BARD1: variants seen among roughly 807,000 people sequenced by gnomAD.
BARD1 encodes BRCA1 associated RING domain 1.
In BARD1, 73 loss-of-function variants were observed where a neutral mutation model predicts 77.0. That is an observed-to-expected ratio of 0.95 (90% confidence interval 0.79 to 1.15). The LOEUF (loss-of-function observed/expected upper bound fraction) is 1.15, where lower values mean the gene tolerates loss of function less well. Among genes scored for constraint, BARD1 ranks in the 50% most tolerant of loss-of-function variants. The pLI, the probability that BARD1 is intolerant of heterozygous loss-of-function variation, is 0.00. For synonymous variants in BARD1, 384 were observed against 338.0 expected (o/e 1.14, Z -1.49); for missense variants, 993 against 938.8 (o/e 1.06, Z -0.75).
chr2:214,742,319 C>T (rs951017494), intron 9 of BARD1, among the ~76,000 whole-genome samples: 14 of 152,098 alleles, frequency 9.2e-5, no homozygotes, highest in South Asian at 2.1e-4. Flanking sequence ...TTGAGTGACA[C>T]CTCATCTCTT....
At chr2:214,782,749 C>T (rs2106115259) in intron 3 of BARD1, among the ~76,000 whole-genome samples, 1 of 152,238 alleles carries the variant, frequency 6.6e-6, no homozygotes, top group South Asian at 2.1e-4. Flanking sequence ...GTAAAGGAAA[C>T]AGTCCTGTGG....
chr2:214,750,064 C>T (rs1029466474), intron 7 of BARD1, among the ~76,000 whole-genome samples: 2 of 152,098 alleles, frequency 1.3e-5, no homozygotes, highest in Non-Finnish European at 2.9e-5. Flanking sequence ...ATGGCATCTA[C>T]TACTACTCTT....
chr2:214,798,993 T>A (rs1234631327), intron 1 of BARD1, among the ~76,000 whole-genome samples: 1 of 152,094 alleles, frequency 6.6e-6, no homozygotes, highest in Non-Finnish European at 1.5e-5. Context: ...GGTGCATGTC[T>A]GTAATGCCAA....
chr2:214,764,921 C>CT (rs1182945861), intron 6 of BARD1, among the ~76,000 whole-genome samples: 5 of 151,392 alleles, frequency 3.3e-5, no homozygotes, highest in Non-Finnish European at 4.4e-5. Flanking sequence ...AGCCACCATA[C>CT]TCTTGTACCC....
chr2:214,774,915 C>CT (rs1694671842), intron 4 of BARD1, among the ~76,000 whole-genome samples: 2 of 152,168 alleles, frequency 1.3e-5, no homozygotes, highest in Non-Finnish European at 2.9e-5. Context: ...ATGAACCAAC[C>CT]TCTGCTAGCT....
chr2:214,764,065 A>C (rs1414878519), intron 6 of BARD1, among the ~76,000 whole-genome samples: 3 of 152,246 alleles, frequency 2.0e-5, no homozygotes, highest in African/African-American at 4.8e-5. Context: ...AACCAGTTCA[A>C]CCACCTTAGA....
chr2:214,768,873 C>T (rs1694340067), intron 5 of BARD1, among the ~76,000 whole-genome samples: 1 of 152,198 alleles, frequency 6.6e-6, no homozygotes, highest in South Asian at 2.1e-4. Flanking sequence ...CTTTCCTATA[C>T]TCAGTTCCTC....
At chr2:214,754,604 A>G (rs1329613833) in intron 6 of BARD1, among the ~76,000 whole-genome samples, 1 of 152,210 alleles carries the variant, frequency 6.6e-6, no homozygotes, top group East Asian at 1.9e-4. Flanking sequence ...ATCAGCCAGT[A>G]AAACATGGTC....
chr2:214,745,607 T>C, intron 8 of BARD1, 115 bp downstream of exon 8: 1 of 1,306,566 alleles, frequency 7.7e-7, no homozygotes, highest in South Asian at 1.2e-5. Flanking sequence ...AGATGCAAAG[T>C]ATACAGCCAT....
At chr2:214,793,659 G>A (rs549839133) in intron 2 of BARD1, among the ~76,000 whole-genome samples, 2 of 152,198 alleles carry the variant, frequency 1.3e-5, no homozygotes, top group African/African-American at 4.8e-5. Flanking sequence ...TAAGTTACTT[G>A]TCCAGCACTG....
intron 7 of BARD1, among the ~76,000 whole-genome samples, chr2:214,750,657 A>T (rs4672728): frequency 0.49 from 74,263 of 151,748 alleles, 18,336 homozygotes; most frequent in East Asian, 0.57. Flanking sequence ...ACTGACCCTA[A>T]CCTCCAGCCC....
At chr2:214,803,641 C>T (rs1300590082) in intron 1 of BARD1, among the ~76,000 whole-genome samples, 1 of 152,206 alleles carries the variant, frequency 6.6e-6, no homozygotes, top group Non-Finnish European at 1.5e-5. Flanking sequence ...GTGACCCTGA[C>T]ACATCCCCCT....
At chr2:214,758,382 T>A (rs1693798359) in intron 6 of BARD1, among the ~76,000 whole-genome samples, 1 of 152,186 alleles carries the variant, frequency 6.6e-6, no homozygotes, top group South Asian at 2.1e-4. Context: ...TAACTGCCAT[T>A]ATATTACTGT....
chr2:214,802,280 T>C (rs906704958), intron 1 of BARD1, among the ~76,000 whole-genome samples: 5 of 152,184 alleles, frequency 3.3e-5, no homozygotes, highest in African/African-American at 1.2e-4. Flanking sequence ...ATAAATTACA[T>C]GAGCTATTAA....
Position 214,775,297 on chromosome 2 carries a change from G to A in BARD1, c.1314+5263C>T, listed in dbSNP as rs78874849. 5.3e-3 allele frequency among the ~76,000 whole-genome samples: 808 copies of A among 152,264 alleles called. 6 individuals carry two copies. The highest frequency in any genetic ancestry group is 0.018 in the African/African-American group (767 of 41,550). Reference sequence around the variant, plus strand: ...ACTCTTCCTTCCACTTGAAAACTCAGAGGACATTGTAGGGTTGTTAGTTTA... The same window carrying A: ...ACTCTTCCTTCCACTTGAAAACTCAAAGGACATTGTAGGGTTGTTAGTTTA... On this transcript the variant is annotated intron_variant, in intron 4 of 10. Transcript: ENST00000260947.
At chr2:214,785,541 T>C (rs948083816) in intron 3 of BARD1, among the ~76,000 whole-genome samples, 8 of 152,016 alleles carry the variant, frequency 5.3e-5, no homozygotes, top group Non-Finnish European at 1.0e-4. Context: ...TAAGAGATGT[T>C]AGAATTAATT....
chr2:214,757,290 GT>G lies in BARD1; in HGVS notation c.1569-4736del, dbSNP rs1326532522. Among the ~76,000 whole-genome samples the G allele has an allele frequency of 2.4e-3, 352 of 145,188 alleles. 1 individual carries two copies. Among genetic ancestry groups the G allele is most frequent in the African/African-American group, 7.6e-3 (304 of 39,750 alleles). On this transcript the variant is annotated intron_variant, in intron 6 of 10. Coordinates refer to ENST00000260947, the MANE Select transcript of BARD1 (RefSeq NM_000465.4). The stretch of plus-strand genomic sequence containing the variant: ...CACAGTACACTGGCAGATTTCACCA[GT>G]TTTTTTTTTTTCTAATGTACTCTTG...
intron 7 of BARD1, among the ~76,000 whole-genome samples, chr2:214,751,772 C>T (rs1693465454): frequency 6.6e-6 from 1 of 152,306 alleles, no homozygotes; most frequent in Admixed American, 6.5e-5. Flanking sequence ...AATGGCATTA[C>T]CATCTATTTC....
At chr2:214,745,930 G>C in intron 7 of BARD1, 76 bp from the exon 8 acceptor site, 2 of 1,514,870 alleles carry the variant, frequency 1.3e-6, no homozygotes, top group Non-Finnish European at 1.8e-6. Context: ...ACTGTTACTT[G>C]ATATAAGCTT....
Sources: gnomAD v4.1 joint callset for allele counts (sites outside exome capture counted in the v4.1 genomes callset) on GRCh38, gnomAD v4.1.1 for gene constraint, MANE v1.5 for transcripts, NCBI Gene and HGNC (gene_info 2026-07-23, HGNC 2026-07-21) for gene names.